Variants in RAB9B observed in about 807,000 individuals in gnomAD.
The protein encoded by RAB9B is ras-related protein Rab-9B.
Under a neutral mutation model 8.9 loss-of-function variants are expected in RAB9B, and 1 was observed. The observed-to-expected ratio is 0.11, with a 90% CI of 0.04 to 0.53. The LOEUF is 0.53. Among genes scored for constraint, RAB9B ranks in the 20% least tolerant of loss-of-function variants. The pLI is 0.93. For missense variants in RAB9B, 82 were observed against 152.9 expected (o/e 0.54, Z 2.45); for synonymous variants, 63 against 57.0 (o/e 1.10, Z -0.47).
At chrX:103,818,314 A>G (rs2074647441), downstream of RAB9B, among the ~76,000 whole-genome samples, 1 of 112,035 alleles carries the variant, frequency 8.9e-6, no homozygotes, top group Non-Finnish European at 1.9e-5. Context: ...ATAATAGTCC[A>G]TACGTTTGGG....
the RAB9B span, chrX:103,786,352 C>T: frequency 9.5e-7 from 1 of 1,050,231 alleles, no homozygotes. Context: ...TCTAGAAAAT[C>T]CCTAGCCTTG....
At chrX:103,792,375 C>T in the RAB9B span, 3 of 112,193 alleles carry the variant, frequency 2.7e-5, no homozygotes, top group Non-Finnish European at 3.8e-5. Flanking sequence ...TGAAGTAATC[C>T]GTACCTTGTG....
the RAB9B span, among the ~76,000 whole-genome samples, chrX:103,779,542 C>A: frequency 2.7e-5 from 3 of 112,200 alleles, no homozygotes; most frequent in East Asian, 8.4e-4. Flanking sequence ...CTAAAATAAT[C>A]AAGTGCAGCC....
chrX:103,821,158 C>T (rs183877988), downstream of RAB9B, among the ~76,000 whole-genome samples: 1,129 of 109,717 alleles, frequency 0.01, 6 homozygotes, highest in Non-Finnish European at 0.018. Context: ...AAGAGCGAGA[C>T]CCTGTCTCAA....
rs1165214684 is a variant in RAB9B, at chrX:103,822,963, G to A, written c.*2216C>T. 9.0e-6 allele frequency: 1 copy of A among 111,024 alleles called. No individual in the cohort carries two copies. Among genetic ancestry groups the A allele is most frequent in the Non-Finnish European group, 1.9e-5 (1 of 53,009 alleles). The allele number at this position is 111,024 out of a possible 1,213,427, so 9.1% of individuals were successfully genotyped here. A position where few individuals can be genotyped will look rare whatever the true frequency, so the allele number is the denominator to read the frequency against. On this transcript the variant is annotated 3_prime_UTR_variant, in exon 3 of 3. Coordinates refer to ENST00000243298, the MANE Select transcript of RAB9B (RefSeq NM_016370.4). ...AATAAAATTAACACTTGTCTTAGAT[G>A]GACAGGATGCCTATGAATCCGATAC...
the RAB9B span, among the ~76,000 whole-genome samples, chrX:103,803,467 T>C: frequency 3.6e-4 from 41 of 113,039 alleles, no homozygotes; most frequent in Admixed American, 3.1e-3. Flanking sequence ...TTAAACATCT[T>C]TTCATGTACT....
At chrX:103,789,513 C>A in the RAB9B span, 1 of 621,274 alleles carries the variant, frequency 1.6e-6, no homozygotes, top group Non-Finnish European at 2.8e-6. Flanking sequence ...TGGAGGGAAG[C>A]TTCTGGGAAG....
the RAB9B span, among the ~76,000 whole-genome samples, chrX:103,816,395 T>C: frequency 3.6e-5 from 4 of 111,808 alleles, no homozygotes; most frequent in East Asian, 8.4e-4. Context: ...AAGCTGAAAC[T>C]AGACCCCTTC....
chrX:103,800,764 A>G, the RAB9B span, among the ~76,000 whole-genome samples: 2 of 111,860 alleles, frequency 1.8e-5, no homozygotes, highest in African/African-American at 6.5e-5. Context: ...AAATGGCTCC[A>G]TGTCAAAAGC....
At chrX:103,800,135 G>A in the RAB9B span, among the ~76,000 whole-genome samples, 1 of 111,771 alleles carries the variant, frequency 8.9e-6, no homozygotes, top group Non-Finnish European at 1.9e-5. Flanking sequence ...GCCGTCCTAT[G>A]CAACAGTGGC....
At chrX:103,820,163 G>T (rs1448328100), downstream of RAB9B, among the ~76,000 whole-genome samples, 1 of 112,385 alleles carries the variant, frequency 8.9e-6, no homozygotes, top group Non-Finnish European at 1.9e-5. Context: ...GCTGAGAAAT[G>T]AAATTCTGTA....
rs1435315264 is a variant in RAB9B at position 103,822,705 on chromosome X, G to A, written c.*2474C>T. On this transcript the variant is annotated 3_prime_UTR_variant, in exon 3 of 3. Coordinates refer to ENST00000243298, the MANE Select transcript of RAB9B (RefSeq NM_016370.4). ...GAAAATATTACACTGCACATTCTAG[G>A]GTACACAGTCAATTTCTAAACCTAT... is the stretch of plus-strand genomic sequence containing the variant. 1 of 111,197 alleles carries A rather than the reference G, an allele frequency of 9.0e-6. No individual in the cohort carries two copies. Among genetic ancestry groups the A allele is most frequent in the Non-Finnish European group, 1.9e-5 (1 of 52,970 alleles). 9.2% of individuals were successfully genotyped at this position (111,197 alleles called of 1,213,427 possible).
chrX:103,778,712 C>A, the RAB9B span, among the ~76,000 whole-genome samples: 1 of 111,251 alleles, frequency 9.0e-6, no homozygotes, highest in Non-Finnish European at 1.9e-5. Context: ...GATACTTGGG[C>A]CAGGTACATA....
chrX:103,807,645 G>A, the RAB9B span, among the ~76,000 whole-genome samples: 7 of 112,260 alleles, frequency 6.2e-5, no homozygotes, highest in Admixed American at 6.6e-4. Context: ...CCCTGGTTGG[G>A]AGTGACCTAC....
Position 103,825,826 on chromosome X carries a change from C to T in RAB9B, c.-42G>A, listed in dbSNP as rs1431221132. 4 of 1,115,995 alleles carry T rather than the reference C, an allele frequency of 3.6e-6. No individual in the cohort carries two copies. The South Asian group carries it at 6.8e-5, about 19-fold the overall frequency. The allele number at this position is 1,115,995 out of a possible 1,213,427, so 92.0% of individuals were successfully genotyped here. On this transcript the variant is annotated splice_region_variant and 5_prime_UTR_variant, in exon 3 of 3. Coordinates refer to ENST00000243298, the MANE Select transcript of RAB9B (RefSeq NM_016370.4). The stretch of plus-strand genomic sequence containing the variant: ...GGGAAGGAGTTTGTAACCAAGAGAA[C>T]CTGAAAATAAAAGGAAAAGTAGGAG...
At chrX:103,820,983 T>TACACAC (rs1191042577), downstream of RAB9B, among the ~76,000 whole-genome samples, 31 of 20,969 alleles carry the variant, frequency 1.5e-3, no homozygotes, top group Middle Eastern at 0.016. Context: ...CACACACACA[T>TACACAC]ACACACACAC....
At chrX:103,816,545 C>A in the RAB9B span, among the ~76,000 whole-genome samples, 3 of 111,775 alleles carry the variant, frequency 2.7e-5, no homozygotes, top group Non-Finnish European at 3.8e-5. Flanking sequence ...TCTAAAACAC[C>A]AAAAGCAATG....
chrX:103,782,728 G>T, the RAB9B span, among the ~76,000 whole-genome samples: 43 of 111,973 alleles, frequency 3.8e-4, no homozygotes, highest in Middle Eastern at 4.2e-3. Context: ...ACTTGCTAGG[G>T]TGGATGGCTC....
At chrX:103,818,773 G>A (rs1450120111), downstream of RAB9B, among the ~76,000 whole-genome samples, 2 of 111,403 alleles carry the variant, frequency 1.8e-5, no homozygotes, top group African/African-American at 3.3e-5. Flanking sequence ...ACACTAAAAT[G>A]TTAAAATCTG....
Sources: gnomAD v4.1 joint callset for allele counts (sites outside exome capture counted in the v4.1 genomes callset) on GRCh38, gnomAD v4.1.1 for gene constraint, MANE v1.5 for transcripts, NCBI Gene and HGNC (gene_info 2026-07-23, HGNC 2026-07-21) for gene names.